NUP133: variants seen among roughly 807,000 people sequenced by gnomAD.
NUP133 encodes nucleoporin 133, also known as nuclear pore complex protein Nup133.
NUP133 carries 66 observed loss-of-function variants against 146.2 expected under a neutral mutation model. The observed-to-expected ratio is 0.45, with a 90% CI of 0.37 to 0.55. NUP133 has a LOEUF of 0.55. NUP133 is among the 20% of genes least tolerant of loss of function. The probability of loss-of-function intolerance (pLI) is 0.00; values close to 1 mark genes in which losing one functional copy is unlikely to be tolerated. For missense variants in NUP133, 1,277 were observed against 1,374.8 expected (o/e 0.93, Z 1.12); for synonymous variants, 521 against 498.8 (o/e 1.04, Z -0.59).
intron 21 of NUP133, among the ~76,000 whole-genome samples, chr1:229,455,052 A>G (rs566100197): frequency 3.3e-5 from 5 of 152,296 alleles, no homozygotes; most frequent in African/African-American, 1.2e-4. Context: ...TTAACTATCC[A>G]AGGTCACAAA....
rs1660746058 is a variant in NUP133, at chr1:229,463,619, T to C, written c.2609A>G (p.Asp870Gly). ...ASLAEKYCDF[D>G]ILVQMCEQTD... ...CTGCTCACACATTTGTACCAATATA[T>C]CAAAGTCACAGTATTTCTCTGCTAG... The change falls in exon 19 of 26, where the codon GAT becomes GGT. Residue 870 changes from aspartate to glycine, a missense_variant. By Grantham distance (94) the Asp-to-Gly change is moderately conservative. This residue lies in a region of NUP133 where 952 missense variants were observed against 1,047.0 expected (regional missense o/e 0.91). Coordinates refer to ENST00000261396, the MANE Select transcript of NUP133 (RefSeq NM_018230.3). 6.2e-7 allele frequency: 1 copy of C among 1,613,950 alleles called. No individual in the cohort carries two copies. The highest frequency in any genetic ancestry group is 2.2e-5 in the East Asian group (1 of 44,870).
intron 11 of NUP133, among the ~76,000 whole-genome samples, chr1:229,485,901 C>T (rs924021456): frequency 5.9e-5 from 9 of 152,108 alleles, no homozygotes; most frequent in Admixed American, 3.9e-4. Context: ...GGTGGCTCCA[C>T]GCCAGTAATC....
At chr1:229,456,754 T>TATAC (rs1660569493) in intron 21 of NUP133, among the ~76,000 whole-genome samples, 1 of 151,512 alleles carries the variant, frequency 6.6e-6, no homozygotes, top group African/African-American at 2.4e-5. Flanking sequence ...TATATATATA[T>TATAC]ACACACAATT....
rs768762336 is a variant in NUP133, at chr1:229,500,800, C to A, written c.469G>T (p.Ala157Ser). ...SDFHWSADLV[A>S]LSYSSPSGEA... ...CCTGAGGGAGAAGAGTAAGAAAGAG[C>A]CACTAAGTCGGCACTCCAGTGGAAA... Residue 157 changes from alanine to serine, a missense_variant, in exon 4 of 26, where the codon GCT (alanine) becomes TCT (serine). Transcript: ENST00000261396. 1 of 1,612,998 alleles carries A rather than the reference C, an allele frequency of 6.2e-7. No individual in the cohort carries two copies. Among genetic ancestry groups the A allele is most frequent in the Non-Finnish European group, 8.5e-7 (1 of 1,179,318 alleles).
chr1:229,471,364 G>T (rs1660951207), intron 14 of NUP133, among the ~76,000 whole-genome samples: 1 of 152,148 alleles, frequency 6.6e-6, no homozygotes, highest in South Asian at 2.1e-4. Flanking sequence ...CGAGCCTACT[G>T]ACTCGGCCTC....
At chr1:229,488,354 T>C (rs1204023110) in intron 9 of NUP133, among the ~76,000 whole-genome samples, 1 of 152,202 alleles carries the variant, frequency 6.6e-6, no homozygotes, top group African/African-American at 2.4e-5. Flanking sequence ...GAAAACTTAG[T>C]TGATTTGTTT....
chr1:229,442,552 CAT>C (rs1660207199), intron 25 of NUP133, among the ~76,000 whole-genome samples: 1 of 152,046 alleles, frequency 6.6e-6, no homozygotes, highest in South Asian at 2.1e-4. Context: ...TACAAACAAA[CAT>C]ACACAATTTT....
intron 10 of NUP133, among the ~76,000 whole-genome samples, chr1:229,486,949 T>C (rs1174598396): frequency 6.7e-6 from 1 of 148,446 alleles, no homozygotes; most frequent in African/African-American, 2.5e-5. Context: ...GGCACCTTAG[T>C]AACATCCTAC....
At position 229,484,158 on chromosome 1, in the gene NUP133, A is replaced by G. The variant is rs1327068053; in HGVS notation, c.1501-13T>C. 10 of 1,588,516 alleles carry G rather than the reference A, an allele frequency of 6.3e-6. No homozygotes were observed. The highest frequency in any genetic ancestry group is 1.7e-5 in the Admixed American group (1 of 59,346). ...CAAAAATCATACTCTGCAAAATAAC[A>G]AAGTATAGTTTAGAGGTAAAGGCAT... On this transcript the variant is annotated splice_polypyrimidine_tract_variant and intron_variant, in intron 11 of 25. Transcript: ENST00000261396.
chr1:229,481,052 T>C (rs986713492), intron 12 of NUP133, among the ~76,000 whole-genome samples: 2 of 152,002 alleles, frequency 1.3e-5, no homozygotes, highest in South Asian at 2.1e-4. Flanking sequence ...ACAATTCTGT[T>C]TGTAAGGAGT....
chr1:229,505,057 T>G (rs1273130496), intron 2 of NUP133, among the ~76,000 whole-genome samples: 1 of 152,210 alleles, frequency 6.6e-6, no homozygotes, highest in African/African-American at 2.4e-5. Context: ...ATTATTTATT[T>G]TTAGCTCATC....
At chr1:229,446,684 A>C (rs2102745423) in intron 24 of NUP133, among the ~76,000 whole-genome samples, 1 of 152,166 alleles carries the variant, frequency 6.6e-6, no homozygotes, top group South Asian at 2.1e-4. Flanking sequence ...CAGTGAGCCA[A>C]GATTGTGCCA....
intron 5 of NUP133, 145 bp from the exon 6 acceptor site, chr1:229,498,451 A>G: frequency 3.4e-6 from 2 of 580,538 alleles, no homozygotes; most frequent in Non-Finnish European, 5.6e-6. Context: ...TATTAAAGTA[A>G]TATATTTCAG....
chr1:229,459,534 C>A (rs1197056591), intron 20 of NUP133, among the ~76,000 whole-genome samples: 1 of 151,808 alleles, frequency 6.6e-6, no homozygotes, highest in East Asian at 1.9e-4. Flanking sequence ...TGTGTGTGTG[C>A]GTATAACATC....
intron 21 of NUP133, among the ~76,000 whole-genome samples, chr1:229,457,600 A>G (rs1660598843): frequency 6.6e-6 from 1 of 152,078 alleles, no homozygotes. Flanking sequence ...ATTTTGTTTT[A>G]ATTTTGCATT....
intron 12 of NUP133, among the ~76,000 whole-genome samples, chr1:229,482,147 C>T (rs969160683): frequency 1.3e-5 from 2 of 152,034 alleles, no homozygotes; most frequent in South Asian, 4.1e-4. Flanking sequence ...TAAACAGAAA[C>T]AAAAAACTTG....
At chr1:229,471,612 T>G (rs913439387) in intron 14 of NUP133, among the ~76,000 whole-genome samples, 2 of 152,198 alleles carry the variant, frequency 1.3e-5, no homozygotes, top group Non-Finnish European at 2.9e-5. Context: ...TATGATCTTC[T>G]AGGGGTTTTC....
chr1:229,502,536 G>A (rs1211987150), intron 2 of NUP133, among the ~76,000 whole-genome samples: 2 of 118,040 alleles, frequency 1.7e-5, no homozygotes, highest in African/African-American at 6.9e-5. Flanking sequence ...TCCAGCATGG[G>A]CAACAGAGCC....
intron 6 of NUP133, among the ~76,000 whole-genome samples, chr1:229,496,632 C>A (rs1289914104): frequency 1.3e-5 from 2 of 152,046 alleles, no homozygotes. Context: ...AGAAGTCATC[C>A]TGTTACATTG....
Sources: gnomAD v4.1 joint callset for allele counts (sites outside exome capture counted in the v4.1 genomes callset) on GRCh38, gnomAD v4.1.1 for gene constraint, gnomAD v4.1.1 regional missense constraint, MANE v1.5 for transcripts, NCBI Gene and HGNC (gene_info 2026-07-23, HGNC 2026-07-21) for gene names.